STC2: variants seen among roughly 807,000 people sequenced by gnomAD.
STC2 encodes the protein stanniocalcin-2.
In STC2, 7 loss-of-function variants were observed where a neutral mutation model predicts 22.7. That is an observed-to-expected ratio of 0.31 (90% confidence interval 0.18 to 0.58). The LOEUF is 0.58. STC2 is among the 20% of genes least tolerant of loss of function. The pLI, the probability that STC2 is intolerant of heterozygous loss-of-function variation, is 0.89. For synonymous variants in STC2, 158 were observed against 163.4 expected (o/e 0.97, Z 0.25); for missense variants, 336 against 406.2 (o/e 0.83, Z 1.48).
Position 173,323,331 on chromosome 5 carries a change from C to T in STC2, c.394G>A (p.Val132Met). The change falls in exon 3 of 4, where the codon GTG becomes ATG. Residue 132 changes from valine (V) to methionine (M), a missense_variant. This residue lies in a region of STC2 where 215 missense variants were observed against 231.5 expected (regional missense o/e 0.93). Coordinates refer to ENST00000265087, the MANE Select transcript of STC2 (RefSeq NM_003714.3). This position sits in a 1 kb window ranked among gnomAD's most constrained non-coding sequence, Gnocchi z 5.4. ...TAGCATTCCCGCTGCAACTGGGACA[C>T]CATTTCCCTGATGGCCGGGCACTTC... ...SRKCPAIREM[V>M]SQLQRECYLK... 1 of 1,614,214 alleles carries T rather than the reference C, an allele frequency of 6.2e-7. No homozygotes were observed. Among genetic ancestry groups the T allele is most frequent in the Non-Finnish European group, 8.5e-7 (1 of 1,180,044 alleles).
intron 3 of STC2, among the ~76,000 whole-genome samples, chr5:173,322,516 G>A (rs77410077): frequency 6.6e-6 from 1 of 152,316 alleles, no homozygotes; most frequent in Non-Finnish European, 1.5e-5. Flanking sequence ...AAAGTTTTTG[G>A]CACTTGTTTT....
Position 173,315,591 on chromosome 5 carries a change from T to C in STC2, c.*2256A>G, listed in dbSNP as rs564615687. 1 of 152,398 alleles carries C rather than the reference T, an allele frequency of 6.6e-6. No homozygotes were observed. The highest frequency in any genetic ancestry group is 2.1e-4 in the South Asian group (1 of 4,826). The allele number at this position is 152,398 out of a possible 1,614,324, so 9.4% of individuals were successfully genotyped here. ...TACACGGAGGAAAATGGAAATGTGA[T>C]GCCTTTCACACATCCAGTCCAGGAG... On this transcript the variant is annotated 3_prime_UTR_variant, in exon 4 of 4. Transcript: ENST00000265087.
intron 3 of STC2, among the ~76,000 whole-genome samples, chr5:173,320,800 G>T (rs1023312123): frequency 6.6e-6 from 1 of 150,772 alleles, no homozygotes; most frequent in African/African-American, 2.4e-5. Context: ...AGCAAATTCA[G>T]TTCTCTCTTT....
At chr5:173,322,896 C>G (rs1387380822) in intron 3 of STC2, 1 of 376,326 alleles carries the variant, frequency 2.7e-6, no homozygotes, top group Non-Finnish European at 5.0e-6. Context: ...TACAGCTACT[C>G]AGAATATTCT....
chr5:173,325,837 A>G lies in STC2; in HGVS notation c.294+31T>C. Reference sequence around the variant, plus strand: ...GTTTCAATCATGTATGCTCACCCCAAACATTCTTCATGCTCTGGATGGATT... The same window carrying G: ...GTTTCAATCATGTATGCTCACCCCAGACATTCTTCATGCTCTGGATGGATT... On this transcript the variant is annotated intron_variant, in intron 2 of 3. Coordinates refer to ENST00000265087, the MANE Select transcript of STC2 (RefSeq NM_003714.3). This position sits in a 1 kb window ranked among gnomAD's most constrained non-coding sequence, Gnocchi z 4.7. 1.2e-6 allele frequency: 2 copies of G among 1,613,550 alleles called. No individual in the cohort carries two copies. Among genetic ancestry groups the G allele is most frequent in the Non-Finnish European group, 8.5e-7 (1 of 1,179,440 alleles).
At chr5:173,321,717 C>A (rs551208663) in intron 3 of STC2, among the ~76,000 whole-genome samples, 2 of 152,280 alleles carry the variant, frequency 1.3e-5, no homozygotes, top group African/African-American at 4.8e-5. Flanking sequence ...TCCTCTTGGG[C>A]ATAGTAATTT....
chr5:173,323,040 TA>T lies in STC2; in HGVS notation c.506+178del. On this transcript the variant is annotated intron_variant, in intron 3 of 3. Coordinates refer to ENST00000265087, the MANE Select transcript of STC2 (RefSeq NM_003714.3). The surrounding 1 kb of genome is among the most constrained non-coding windows in gnomAD (Gnocchi z 5.4). ...CTGATGAGGGAATTCTCTCTTTTCCTAAAAGCCAGCAGGAAAGGGGCCTTTT... is the reference window on the plus strand; with the variant it reads ...CTGATGAGGGAATTCTCTCTTTTCCTAAAGCCAGCAGGAAAGGGGCCTTTT... 1.6e-6 allele frequency: 1 copy of T among 619,922 alleles called. No individual in the cohort carries two copies. The highest frequency in any genetic ancestry group is 2.9e-6 in the Non-Finnish European group (1 of 348,550). The allele number at this position is 619,922 out of a possible 1,614,324, so 38.4% of individuals were successfully genotyped here.
Position 173,323,184 on chromosome 5 carries a change from C to T in STC2, c.506+35G>A, listed in dbSNP as rs372048469. 165 of 1,607,702 alleles carry T rather than the reference C, an allele frequency of 1.0e-4. No homozygotes were observed. Among genetic ancestry groups the T allele is most frequent in the Non-Finnish European group, 1.2e-4 (140 of 1,174,504 alleles). Reference sequence around the variant, plus strand: ...CACATTGCCATCCTTGCTGGGTGGCCCCTTCACCCAGGCCCTCTGCGGGGC... The same window carrying T: ...CACATTGCCATCCTTGCTGGGTGGCTCCTTCACCCAGGCCCTCTGCGGGGC... On this transcript the variant is annotated intron_variant, in intron 3 of 3. Coordinates refer to ENST00000265087, the MANE Select transcript of STC2 (RefSeq NM_003714.3). The surrounding 1 kb of genome is among the most constrained non-coding windows in gnomAD (Gnocchi z 5.4).
At chr5:173,324,044 T>C (rs1762517178) in intron 2 of STC2, 1 of 153,772 alleles carries the variant, frequency 6.5e-6, no homozygotes, top group South Asian at 2.0e-4. Flanking sequence ...ATGACTCTAC[T>C]CCTTTAAACT....
At position 173,326,003 on chromosome 5, in the gene STC2, G is replaced by T. The variant is rs994300199; in HGVS notation, c.159C>A (p.Ile53=). The T allele has an allele frequency of 1.9e-6, 3 of 1,613,970 alleles. No individual in the cohort carries two copies. Among genetic ancestry groups the T allele is most frequent in the Non-Finnish European group, 2.5e-6 (3 of 1,180,016 alleles). Residue 53 remains isoleucine (I), a synonymous_variant, in exon 2 of 4, where the codon ATC becomes ATA. Coordinates refer to ENST00000265087, the MANE Select transcript of STC2 (RefSeq NM_003714.3). ...GRLSLQNTAE[I]QHCLVNAGDV... Reference sequence around the variant, plus strand: ...CGCCAGCGTTGACCAAACAGTGCTGGATCTCCGCTAAAAGGAAAATCACAT... The same window carrying T: ...CGCCAGCGTTGACCAAACAGTGCTGTATCTCCGCTAAAAGGAAAATCACAT...
rs1439995959 is a variant in STC2 at position 173,316,665 on chromosome 5, T to C, written c.*1182A>G. On this transcript the variant is annotated 3_prime_UTR_variant, in exon 4 of 4. Coordinates refer to ENST00000265087, the MANE Select transcript of STC2 (RefSeq NM_003714.3). ...CCTTAGAGATTTTCAGCAGTCTCCT[T>C]GATTTTATGTAAAAGGTCAGCATTT... The C allele has an allele frequency of 5.9e-5, 9 of 152,182 alleles. No individual in the cohort carries two copies. The highest frequency in any genetic ancestry group is 5.9e-4 in the Admixed American group (9 of 15,284). 9.4% of individuals were successfully genotyped at this position (152,182 alleles called of 1,614,324 possible). A position where few individuals can be genotyped will look rare whatever the true frequency, so the allele number is the denominator to read the frequency against.
At chr5:173,320,058 C>T (rs940311272) in intron 3 of STC2, among the ~76,000 whole-genome samples, 2 of 152,234 alleles carry the variant, frequency 1.3e-5, no homozygotes, top group Non-Finnish European at 2.9e-5. Flanking sequence ...CCGAGTGTGT[C>T]TGCTAAAGCA....
At chr5:173,318,483 G>C (rs1314153150) in intron 3 of STC2, among the ~76,000 whole-genome samples, 1 of 152,176 alleles carries the variant, frequency 6.6e-6, no homozygotes, top group Non-Finnish European at 1.5e-5. Context: ...TGTGTCCCAG[G>C]CTCACAGGTG....
Position 173,316,300 on chromosome 5 carries a change from C to G in STC2, c.*1547G>C, listed in dbSNP as rs1191698962. 1 of 152,024 alleles carries G rather than the reference C, an allele frequency of 6.6e-6. No homozygotes were observed. Among genetic ancestry groups the G allele is most frequent in the Non-Finnish European group, 1.5e-5 (1 of 68,030 alleles). The allele number at this position is 152,024 out of a possible 1,614,324, so 9.4% of individuals were successfully genotyped here. On this transcript the variant is annotated 3_prime_UTR_variant, in exon 4 of 4. Transcript: ENST00000265087. The stretch of plus-strand genomic sequence containing the variant: ...TTTCGACAGAGACCTCACGGCTCGC[C>G]AAACTGAAAGTACTGGATTCAGTAT...
intron 1 of STC2, among the ~76,000 whole-genome samples, chr5:173,327,484 T>C (rs1044077854): frequency 2.0e-5 from 3 of 152,216 alleles, no homozygotes; most frequent in Non-Finnish European, 4.4e-5. Context: ...GGAGGTACGC[T>C]TTGCGCTGCC....
chr5:173,322,803 C>T (rs1301586472), intron 3 of STC2, among the ~76,000 whole-genome samples: 1 of 152,182 alleles, frequency 6.6e-6, no homozygotes. Flanking sequence ...GAAAAATTCA[C>T]AAGGAGCCCT....
intron 3 of STC2, among the ~76,000 whole-genome samples, chr5:173,319,349 A>G (rs1317705547): frequency 6.6e-6 from 1 of 152,192 alleles, no homozygotes. Flanking sequence ...GGGGTATAGA[A>G]TGTTTCACAT....
At position 173,317,466 on chromosome 5, in the gene STC2, C is replaced by G. The variant is rs935848153; in HGVS notation, c.*381G>C. The G allele has an allele frequency of 6.0e-6, 1 of 166,054 alleles. No individual in the cohort carries two copies. The highest frequency in any genetic ancestry group is 1.3e-5 in the Non-Finnish European group (1 of 77,678). The allele number at this position is 166,054 out of a possible 1,614,324, so 10.3% of individuals were successfully genotyped here. A position where few individuals can be genotyped will look rare whatever the true frequency, so the allele number is the denominator to read the frequency against. On this transcript the variant is annotated 3_prime_UTR_variant, in exon 4 of 4. Coordinates refer to ENST00000265087, the MANE Select transcript of STC2 (RefSeq NM_003714.3). ...GGCTGCTGCACCAGAAGCTTCGGGG[C>G]GAGGCCCAGCACCCACTGTGTGGCC...
chr5:173,326,264 T>A (rs1257168854), intron 1 of STC2, among the ~76,000 whole-genome samples: 1 of 152,196 alleles, frequency 6.6e-6, no homozygotes, highest in Non-Finnish European at 1.5e-5. Context: ...ACCAGAAGGC[T>A]GGTCTGAGCA....
Sources: allele counts gnomAD v4.1 joint callset (sites outside exome capture counted in the v4.1 genomes callset), GRCh38; gene constraint gnomAD v4.1.1; regional missense constraint gnomAD v4.1.1; non-coding constraint Gnocchi (gnomAD v3.1); transcripts MANE v1.5; gene names NCBI Gene and HGNC (gene_info 2026-07-23, HGNC 2026-07-21).